Variants in ADGRG7 observed in about 807,000 individuals in gnomAD.
The protein encoded by ADGRG7 is adhesion G protein-coupled receptor G7.
ADGRG7 carries 82 observed loss-of-function variants against 88.6 expected under a neutral mutation model. That is an observed-to-expected ratio of 0.93 (90% CI 0.77 to 1.11). The LOEUF (loss-of-function observed/expected upper bound fraction) is 1.11. Ranked by LOEUF, ADGRG7 falls within the 50% of genes most tolerant of loss-of-function variation. The pLI is 0.00. For synonymous variants in ADGRG7, 381 were observed against 345.2 expected, an observed-to-expected ratio of 1.10 and a Z score of -1.15; for missense variants, 945 against 953.4, an observed-to-expected ratio of 0.99 and a Z score of 0.12.
At chr3:100,690,808 G>A (rs374878684) in intron 15 of ADGRG7, among the ~76,000 whole-genome samples, 3 of 152,280 alleles carry the variant, frequency 2.0e-5, no homozygotes, top group East Asian at 1.9e-4. Context: ...TAGGCTACTC[G>A]GGGGTCAGGG....
chr3:100,689,225 G>C (rs1445558399), intron 15 of ADGRG7, among the ~76,000 whole-genome samples: 2 of 151,924 alleles, frequency 1.3e-5, no homozygotes, highest in East Asian at 3.9e-4. Context: ...TTTTCCATTT[G>C]CTTGGTAGAT....
chr3:100,631,940 T>A (rs1707463748), intron 3 of ADGRG7, among the ~76,000 whole-genome samples: 2 of 152,120 alleles, frequency 1.3e-5, no homozygotes, highest in Admixed American at 6.6e-5. Context: ...ATGATGCTAC[T>A]CTATCTATAA....
chr3:100,665,735 C>A (rs1414842728), intron 14 of ADGRG7, among the ~76,000 whole-genome samples: 2 of 152,184 alleles, frequency 1.3e-5, no homozygotes, highest in African/African-American at 4.8e-5. Flanking sequence ...GTAAAGGCTT[C>A]TTTGCCTAAT....
chr3:100,659,645 ACCT>A, intron 13 of ADGRG7, 40 bp from the exon 14 acceptor site: 1 of 1,591,874 alleles, frequency 6.3e-7, no homozygotes, highest in Non-Finnish European at 8.6e-7. Context: ...CAGTATGTAT[ACCT>A]TTCTTAGTCT....
intron 15 of ADGRG7, among the ~76,000 whole-genome samples, chr3:100,682,748 C>CACTCCAG (rs1206740484): frequency 6.6e-6 from 1 of 152,182 alleles, no homozygotes; most frequent in Non-Finnish European, 1.5e-5. Context: ...TGAGGAGGCA[C>CACTCCAG]GGCCAGGGCT....
rs115902418 is a variant in ADGRG7 at position 100,646,628 on chromosome 3, G to A, written c.1170G>A (p.Ala390=). 6.3e-4 allele frequency: 1,014 copies of A among 1,614,048 alleles called. 4 individuals are homozygous for A. In the African/African-American group the frequency reaches 8.6e-3, roughly 14 times the overall value. ...SYACVYWNLS[A]KDWDTYGCQK... is the part of the protein sequence containing the mutation. Reference sequence around the variant, plus strand: ...CCTGTGTCTATTGGAATTTGTCAGCGAAGGACTGGGACACATATGGCTGTC... The same window carrying A: ...CCTGTGTCTATTGGAATTTGTCAGCAAAGGACTGGGACACATATGGCTGTC... The change falls in exon 10 of 16, where the codon GCG becomes GCA. Residue 390 remains alanine, a synonymous_variant. Transcript: ENST00000273352.
chr3:100,682,978 G>A (rs2094976043), intron 15 of ADGRG7, among the ~76,000 whole-genome samples: 1 of 152,122 alleles, frequency 6.6e-6, no homozygotes, highest in Admixed American at 6.5e-5. Flanking sequence ...GGGAGGGTCC[G>A]TGGTGAAGCC....
chr3:100,613,918 GC>G (rs1338062048), intron 1 of ADGRG7, among the ~76,000 whole-genome samples: 5 of 152,108 alleles, frequency 3.3e-5, no homozygotes, highest in Admixed American at 2.6e-4. Flanking sequence ...TCCCAATAAT[GC>G]CCCTCACTAG....
chr3:100,613,329 A>G (rs1207006661), intron 1 of ADGRG7, among the ~76,000 whole-genome samples: 2 of 152,226 alleles, frequency 1.3e-5, no homozygotes, highest in Non-Finnish European at 2.9e-5. Context: ...GGCAAACTCA[A>G]TAAATCTAAC....
intron 1 of ADGRG7, among the ~76,000 whole-genome samples, chr3:100,611,286 T>TCCTTCCTC (rs1707147555): frequency 6.8e-6 from 1 of 146,644 alleles, no homozygotes; most frequent in Admixed American, 7.1e-5. Flanking sequence ...CTTCCTTCCT[T>TCCTTCCTC]CCTTCCTTCC....
chr3:100,674,058 G>A, intron 15 of ADGRG7, among the ~76,000 whole-genome samples: 1 of 152,192 alleles, frequency 6.6e-6, no homozygotes. Context: ...TGCTTTAAAT[G>A]TGTCCCAAAG....
intron 1 of ADGRG7, among the ~76,000 whole-genome samples, chr3:100,618,714 T>C (rs1162561132): frequency 6.6e-6 from 1 of 152,152 alleles, no homozygotes; most frequent in Non-Finnish European, 1.5e-5. Flanking sequence ...TTTTTTTGGT[T>C]CCGTATGAAC....
At chr3:100,619,111 T>A (rs1707269637) in intron 1 of ADGRG7, among the ~76,000 whole-genome samples, 1 of 152,088 alleles carries the variant, frequency 6.6e-6, no homozygotes, top group East Asian at 1.9e-4. Flanking sequence ...CTAAGGAGAT[T>A]TTGGGCCGAG....
intron 15 of ADGRG7, among the ~76,000 whole-genome samples, chr3:100,672,917 A>G (rs1184108476): frequency 6.6e-6 from 1 of 152,154 alleles, no homozygotes; most frequent in South Asian, 2.1e-4. Flanking sequence ...CAAGTTGATC[A>G]TGATGGATAA....
At chr3:100,677,384 A>G (rs1010830208) in intron 15 of ADGRG7, among the ~76,000 whole-genome samples, 5 of 151,964 alleles carry the variant, frequency 3.3e-5, no homozygotes, top group Admixed American at 1.3e-4. Flanking sequence ...TGTTTTTTCT[A>G]TTTATATCTT....
At chr3:100,629,128 A>G (rs762127401) in intron 1 of ADGRG7, among the ~76,000 whole-genome samples, 30 of 151,990 alleles carry the variant, frequency 2.0e-4, no homozygotes, top group Non-Finnish European at 3.4e-4. Flanking sequence ...CGGGTCACCC[A>G]TTTTCATCTG....
Position 100,659,892 on chromosome 3 carries a change from C to T in ADGRG7, c.1979+49C>T, listed in dbSNP as rs117485519. ...GCTGCCAGGCAAGGCTCATCCAGCA[C>T]TTAACGCAGCACCATAACACATCCA... On this transcript the variant is annotated intron_variant, in intron 14 of 15. Transcript: ENST00000273352. 451 of 1,555,066 alleles carry T rather than the reference C, an allele frequency of 2.9e-4. 4 individuals carry two copies. The East Asian group carries it at 8.9e-3, about 31-fold the overall frequency.
At chr3:100,678,969 T>C (rs2094969255) in intron 15 of ADGRG7, among the ~76,000 whole-genome samples, 2 of 152,162 alleles carry the variant, frequency 1.3e-5, no homozygotes, top group Non-Finnish European at 2.9e-5. Context: ...GGCTACCACC[T>C]ATGCTACTCA....
At chr3:100,635,446 A>G in intron 4 of ADGRG7, 1 of 823,324 alleles carries the variant, frequency 1.2e-6, no homozygotes, top group Non-Finnish European at 1.7e-6. Flanking sequence ...TAGCTAAGGC[A>G]GCCCCTTATA....
Sources: allele counts gnomAD v4.1 joint callset (sites outside exome capture counted in the v4.1 genomes callset), GRCh38; gene constraint gnomAD v4.1.1; transcripts MANE v1.5; gene names NCBI Gene and HGNC (gene_info 2026-07-23, HGNC 2026-07-21).